Variants in CAMTA1 observed in about 807,000 individuals in gnomAD.
CAMTA1 encodes the protein calmodulin-binding transcription activator 1.
CAMTA1 carries 27 observed loss-of-function variants against 170.9 expected under a neutral mutation model. That is an observed-to-expected ratio of 0.16 (90% CI 0.12 to 0.22). CAMTA1 has a LOEUF of 0.22. CAMTA1 is among the 10% of genes least tolerant of loss of function. The probability of loss-of-function intolerance (pLI) is 1.00; values close to 1 mark genes in which losing one functional copy is unlikely to be tolerated. For missense variants in CAMTA1, 1,619 were observed against 2,217.2 expected (o/e 0.73, Z 5.42); for synonymous variants, 833 against 891.5 (o/e 0.93, Z 1.17).
chr1:6,912,580 C>T (rs550235380), intron 3 of CAMTA1, among the ~76,000 whole-genome samples: 1 of 152,334 alleles, frequency 6.6e-6, no homozygotes, highest in Non-Finnish European at 1.5e-5. Context: ...TTCATGTTTC[C>T]GTTAGATAAC....
intron 4 of CAMTA1, among the ~76,000 whole-genome samples, chr1:7,226,737 A>G (rs1661761125): frequency 6.6e-6 from 1 of 152,132 alleles, no homozygotes; most frequent in South Asian, 2.1e-4. Context: ...TTCCATGTTA[A>G]CAAATAGAGA....
intron 6 of CAMTA1, among the ~76,000 whole-genome samples, chr1:7,604,240 A>G (rs534171469): frequency 6.6e-6 from 1 of 152,190 alleles, no homozygotes; most frequent in Non-Finnish European, 1.5e-5. Context: ...GCCTTGCTAG[A>G]TTGGGGAAGT....
intron 3 of CAMTA1, among the ~76,000 whole-genome samples, chr1:7,032,483 C>G (rs560791668): frequency 6.6e-6 from 1 of 152,236 alleles, no homozygotes; most frequent in East Asian, 1.9e-4. Flanking sequence ...AATTTCATTT[C>G]TTCCTCCCCA....
intron 3 of CAMTA1, among the ~76,000 whole-genome samples, chr1:6,847,326 T>A (rs1658583251): frequency 6.6e-6 from 1 of 152,052 alleles, no homozygotes; most frequent in South Asian, 2.1e-4. Flanking sequence ...ACAAAGAGAA[T>A]CAGCAAGAAA....
intron 3 of CAMTA1, among the ~76,000 whole-genome samples, chr1:7,059,063 C>T (rs1707817004): frequency 2.0e-5 from 3 of 152,158 alleles, no homozygotes; most frequent in Admixed American, 6.5e-5. Flanking sequence ...GGCCACCATC[C>T]GGGTTCCTGG....
At chr1:7,697,058 G>A (rs1021888121) in intron 11 of CAMTA1, among the ~76,000 whole-genome samples, 1 of 152,158 alleles carries the variant, frequency 6.6e-6, no homozygotes, top group African/African-American at 2.4e-5. Flanking sequence ...ACCTGTGTGG[G>A]ATTACTCAAT....
intron 6 of CAMTA1, among the ~76,000 whole-genome samples, chr1:7,522,657 A>C (rs1320076600): frequency 6.6e-6 from 1 of 152,218 alleles, no homozygotes; most frequent in African/African-American, 2.4e-5. Context: ...TGTTTAAAGC[A>C]TAAGGTTTAG....
rs1218691477 is a variant in CAMTA1, at chr1:7,673,382, G to A, written c.2779+2345G>A. On this transcript the variant is annotated intron_variant, in intron 10 of 22. Transcript: ENST00000303635. This position sits in a 1 kb window ranked among gnomAD's most constrained non-coding sequence, Gnocchi z 4.6. ...GGGCGAGAGCAGTGAGTGAGAGGAG[G>A]TGTGTGAAGCACCTGGCCCAGTGCT... Among the ~76,000 whole-genome samples the A allele has an allele frequency of 6.6e-6, 1 of 152,242 alleles. No homozygotes were observed. The highest frequency in any genetic ancestry group is 1.5e-5 in the Non-Finnish European group (1 of 68,044).
intron 3 of CAMTA1, among the ~76,000 whole-genome samples, chr1:6,915,065 C>T (rs747740305): frequency 7.2e-5 from 11 of 152,146 alleles, no homozygotes; most frequent in Non-Finnish European, 1.5e-4. Context: ...CTGCCTCTTA[C>T]GGGCCTCAGG....
At chr1:7,322,758 C>T (rs1678627146) in intron 5 of CAMTA1, among the ~76,000 whole-genome samples, 1 of 152,174 alleles carries the variant, frequency 6.6e-6, no homozygotes, top group Admixed American at 6.5e-5. Context: ...TGTTTTGTTA[C>T]TAATATTGTT....
intron 4 of CAMTA1, among the ~76,000 whole-genome samples, chr1:7,186,750 G>A (rs1653360038): frequency 6.6e-6 from 1 of 152,174 alleles, no homozygotes; most frequent in South Asian, 2.1e-4. Flanking sequence ...AAAACTATGT[G>A]CCAGGCACTA....
chr1:7,080,405 A>ATT (rs1434410836), intron 3 of CAMTA1, among the ~76,000 whole-genome samples: 1 of 152,214 alleles, frequency 6.6e-6, no homozygotes, highest in African/African-American at 2.4e-5. Context: ...CAATACGGCA[A>ATT]TTTGATATCT....
chr1:6,940,450 C>T (rs1430169074), intron 3 of CAMTA1, among the ~76,000 whole-genome samples: 2 of 152,166 alleles, frequency 1.3e-5, no homozygotes, highest in Non-Finnish European at 2.9e-5. Flanking sequence ...GGAAGCCCTG[C>T]TTTACTCACC....
chr1:7,452,980 A>G (rs564689505), intron 5 of CAMTA1, among the ~76,000 whole-genome samples: 2 of 151,556 alleles, frequency 1.3e-5, no homozygotes, highest in East Asian at 3.9e-4. Flanking sequence ...ATCGGCTTCC[A>G]GTTGACTAAC....
At chr1:7,026,710 A>G (rs1416694348) in intron 3 of CAMTA1, among the ~76,000 whole-genome samples, 2 of 148,664 alleles carry the variant, frequency 1.3e-5, no homozygotes, top group African/African-American at 5.0e-5. Context: ...AGCTCACTGC[A>G]ACCGCCGCCT....
At chr1:7,654,955 CAA>C (rs1420921309) in intron 7 of CAMTA1, among the ~76,000 whole-genome samples, 2 of 150,408 alleles carry the variant, frequency 1.3e-5, no homozygotes, top group East Asian at 2.0e-4. Context: ...TATACACACA[CAA>C]ACACACCCAC....
At chr1:7,127,247 CT>C (rs61211407) in intron 4 of CAMTA1, among the ~76,000 whole-genome samples, 24 of 73,494 alleles carry the variant, frequency 3.3e-4, no homozygotes, top group East Asian at 1.0e-3. Flanking sequence ...GCCAGAGGGG[CT>C]TTTTTTTTTT....
At chr1:7,310,725 TCTTTCTTTCTTTCTTTC>T (rs1676572985) in intron 5 of CAMTA1, among the ~76,000 whole-genome samples, 1 of 117,696 alleles carries the variant, frequency 8.5e-6, no homozygotes, top group Non-Finnish European at 1.7e-5. Flanking sequence ...TTTCTTTCTT[TCTTTCTTTCTTTCTTTC>T]TTTTTTTTAA....
chr1:7,550,142 G>T (rs1416337319), intron 6 of CAMTA1, among the ~76,000 whole-genome samples: 1 of 152,100 alleles, frequency 6.6e-6, no homozygotes, highest in African/African-American at 2.4e-5. Context: ...AGGGTGCCCA[G>T]AGGCAGAAGA....
Sources: allele counts gnomAD v4.1 joint callset (sites outside exome capture counted in the v4.1 genomes callset), GRCh38; gene constraint gnomAD v4.1.1; non-coding constraint Gnocchi (gnomAD v3.1); transcripts MANE v1.5; gene names NCBI Gene and HGNC (gene_info 2026-07-23, HGNC 2026-07-21).